The following MTMR2 variants were observed in gnomAD, a reference collection of about 807,000 sequenced individuals.
MTMR2 encodes phosphatidylinositol-3,5-bisphosphate 3-phosphatase MTMR2.
Under a neutral mutation model 86.9 loss-of-function variants are expected in MTMR2, and 55 were observed. That is an observed-to-expected ratio of 0.63 (90% confidence interval 0.51 to 0.79). MTMR2 has a LOEUF of 0.79. Ranked by LOEUF, MTMR2 falls within the 30% of genes least tolerant of loss-of-function variation. The pLI is 0.00. For missense variants in MTMR2, 659 were observed against 772.3 expected (o/e 0.85, Z 1.74); for synonymous variants, 241 against 266.8 (o/e 0.90, Z 0.94).
chr11:95,883,905 C>T (rs1445026711), intron 2 of MTMR2, among the ~76,000 whole-genome samples: 1 of 152,170 alleles, frequency 6.6e-6, no homozygotes, highest in African/African-American at 2.4e-5. Context: ...TTTAATGAAA[C>T]TGGATTAGCT....
intron 2 of MTMR2, among the ~76,000 whole-genome samples, chr11:95,881,077 A>G (rs963204024): frequency 1.3e-5 from 2 of 151,956 alleles, no homozygotes; most frequent in African/African-American, 4.8e-5. Flanking sequence ...TTTCAGTTTT[A>G]GGTTTTCAAT....
intron 11 of MTMR2, among the ~76,000 whole-genome samples, chr11:95,843,324 C>T (rs1205177738): frequency 1.3e-5 from 2 of 152,082 alleles, no homozygotes; most frequent in Non-Finnish European, 2.9e-5. Context: ...ATCTGTGTAA[C>T]TCAATAAGCC....
intron 1 of MTMR2, among the ~76,000 whole-genome samples, chr11:95,917,678 G>GA (rs948042154): frequency 3.3e-5 from 5 of 151,672 alleles, no homozygotes; most frequent in African/African-American, 4.8e-5. Flanking sequence ...CTCTAACAAT[G>GA]AAAAAAAATG....
chr11:95,872,563 G>A (rs1864932637), intron 2 of MTMR2, among the ~76,000 whole-genome samples: 2 of 152,116 alleles, frequency 1.3e-5, no homozygotes, highest in Non-Finnish European at 2.9e-5. Flanking sequence ...CTGCAAACAG[G>A]GACAATTTGA....
At chr11:95,917,304 C>T (rs7115150) in intron 1 of MTMR2, among the ~76,000 whole-genome samples, 3,032 of 152,254 alleles carry the variant, frequency 0.02, 82 homozygotes, top group African/African-American at 0.068. Context: ...AATCCTGAAT[C>T]GCACGCAATC....
intron 1 of MTMR2, among the ~76,000 whole-genome samples, chr11:95,907,271 T>C (rs370405393): frequency 2.0e-5 from 3 of 151,686 alleles, no homozygotes; most frequent in East Asian, 1.9e-4. Context: ...CTACAAGAAA[T>C]AGAAAATTCC....
intron 2 of MTMR2, among the ~76,000 whole-genome samples, chr11:95,875,467 C>T (rs1865072571): frequency 6.6e-6 from 1 of 152,226 alleles, no homozygotes; most frequent in Non-Finnish European, 1.5e-5. Context: ...CAGGACTTCA[C>T]TGCATTGGTT....
intron 1 of MTMR2, among the ~76,000 whole-genome samples, chr11:95,899,563 T>C (rs1055786691): frequency 2.6e-5 from 4 of 151,764 alleles, no homozygotes; most frequent in African/African-American, 9.7e-5. Context: ...TCCCCAATTA[T>C]AGCCTCATGG....
chr11:95,881,102 T>G (rs1865305999), intron 2 of MTMR2, among the ~76,000 whole-genome samples: 1 of 152,022 alleles, frequency 6.6e-6, no homozygotes, highest in Admixed American at 6.5e-5. Context: ...TGAATCCAGT[T>G]GGTGTGTGTG....
chr11:95,838,288 GGTA>G, intron 12 of MTMR2, 81 bp from the exon 13 acceptor site: 1 of 792,038 alleles, frequency 1.3e-6, no homozygotes, highest in Non-Finnish European at 2.3e-6. Flanking sequence ...ATCCTTTTGA[GGTA>G]GTATTTAAAA....
intron 2 of MTMR2, among the ~76,000 whole-genome samples, chr11:95,868,067 A>T (rs947036638): frequency 6.6e-6 from 1 of 151,950 alleles, no homozygotes; most frequent in East Asian, 1.9e-4. Context: ...GGAATTCAAG[A>T]CCAGCCTGGA....
intron 12 of MTMR2, among the ~76,000 whole-genome samples, chr11:95,840,461 C>T (rs535310220): frequency 6.6e-6 from 1 of 152,222 alleles, no homozygotes; most frequent in East Asian, 1.9e-4. Flanking sequence ...AAAGTCAAAC[C>T]TAATCCAAGA....
At chr11:95,845,225 CT>C (rs1054904789) in intron 10 of MTMR2, 66 bp from the exon 11 acceptor site, 1 of 1,285,774 alleles carries the variant, frequency 7.8e-7, no homozygotes, top group African/African-American at 1.5e-5. Flanking sequence ...TCAAAATTTA[CT>C]AATACAGCTT....
At chr11:95,902,311 T>C (rs945683201) in intron 1 of MTMR2, among the ~76,000 whole-genome samples, 1 of 152,180 alleles carries the variant, frequency 6.6e-6, no homozygotes, top group African/African-American at 2.4e-5. Flanking sequence ...TGGAAATCCA[T>C]GTGCTCTGAG....
At chr11:95,922,887 G>A (rs1033351898) in intron 1 of MTMR2, among the ~76,000 whole-genome samples, 1 of 143,586 alleles carries the variant, frequency 7.0e-6, no homozygotes, top group African/African-American at 2.4e-5. Context: ...TCAACTGATT[G>A]AAGGAGAAAA....
Position 95,867,992 on chromosome 11 carries a change from C to T in MTMR2, c.187-2316G>A, listed in dbSNP as rs116194254. Among the ~76,000 whole-genome samples the T allele has an allele frequency of 4.0e-3, 613 of 152,106 alleles. 3 individuals carry two copies. The highest frequency in any genetic ancestry group is 0.013 in the African/African-American group (541 of 41,522). ...TAATAAACACAAAGAGAAGGCCAGG[C>T]GCAGTGGCTCAGCCTATGCTCTCAG... On this transcript the variant is annotated intron_variant, in intron 2 of 14. Coordinates refer to ENST00000346299, the MANE Select transcript of MTMR2 (RefSeq NM_016156.6).
chr11:95,865,978 CATTTCT>C (rs1864601372), intron 2 of MTMR2, among the ~76,000 whole-genome samples: 1 of 152,172 alleles, frequency 6.6e-6, no homozygotes. Flanking sequence ...ATTATATCCT[CATTTCT>C]CAGATGAGGA....
At chr11:95,837,685 T>C (rs1247843372) in intron 13 of MTMR2, among the ~76,000 whole-genome samples, 1 of 152,070 alleles carries the variant, frequency 6.6e-6, no homozygotes, top group African/African-American at 2.4e-5. Context: ...TAACCTAAAA[T>C]GTCTCAATAA....
chr11:95,865,303 G>A (rs758661870), intron 3 of MTMR2: 2 of 373,180 alleles, frequency 5.4e-6, no homozygotes, highest in Non-Finnish European at 9.7e-6. Flanking sequence ...TCCTTCACAG[G>A]CTTCAGCAAC....
Sources: allele counts gnomAD v4.1 joint callset (sites outside exome capture counted in the v4.1 genomes callset), GRCh38; gene constraint gnomAD v4.1.1; transcripts MANE v1.5; gene names NCBI Gene and HGNC (gene_info 2026-07-23, HGNC 2026-07-21).